The following MUSK variants were observed in gnomAD, a reference collection of about 807,000 sequenced individuals.
The protein encoded by MUSK is muscle, skeletal receptor tyrosine-protein kinase.
In MUSK, 55 loss-of-function variants were observed where a neutral mutation model predicts 88.7. That is an observed-to-expected ratio of 0.62 (90% CI 0.50 to 0.78). The LOEUF is 0.78. MUSK is among the 30% of genes least tolerant of loss of function. MUSK has a pLI of 0.00. For missense variants in MUSK, 1,015 were observed against 1,074.3 expected, an observed-to-expected ratio of 0.94 and a Z score of 0.77; for synonymous variants, 387 against 391.9, an observed-to-expected ratio of 0.99 and a Z score of 0.15.
Position 110,801,250 on chromosome 9 carries a change from A to ACGGCG in MUSK, c.*262_*263insCGGCG. On this transcript the variant is annotated 3_prime_UTR_variant, in exon 15 of 15. Coordinates refer to ENST00000374448, the MANE Select transcript of MUSK (RefSeq NM_005592.4). Reference sequence around the variant, plus strand: ...ACTATTCTTCTTCATGAAGGTTTGTAATACACACTGCACAGGGAAGAATGT... The same window carrying ACGGCG: ...ACTATTCTTCTTCATGAAGGTTTGTACGGCGATACACACTGCACAGGGAAGAATGT... The ACGGCG allele has an allele frequency of 2.9e-6, 1 of 346,748 alleles. No homozygotes were observed. Among genetic ancestry groups the ACGGCG allele is most frequent in the Non-Finnish European group, 5.2e-6 (1 of 191,514 alleles). The allele number at this position is 346,748 out of a possible 1,614,324, so 21.5% of individuals were successfully genotyped here.
In MUSK at chr9:110,695,427, T is replaced by A; in HGVS notation, c.383T>A (p.Ile128Lys). 1 of 1,528,114 alleles carries A rather than the reference T, an allele frequency of 6.5e-7. No homozygotes were observed. Among genetic ancestry groups the A allele is most frequent in the Non-Finnish European group, 8.9e-7 (1 of 1,125,376 alleles). The allele number at this position is 1,528,114 out of a possible 1,614,324, so 94.7% of individuals were successfully genotyped here. A position where few individuals can be genotyped will look rare whatever the true frequency, so the allele number is the denominator to read the frequency against. ...KMKPKITRPP[I>K]NVKIIEGLKA... is the part of the protein sequence containing the mutation. ...GAACCTAAAATAACTCGTCCTCCCA[T>A]AAATGTGAAAATAATAGAGGGATTA... The change falls in exon 4 of 15, where the codon ATA becomes AAA. Residue 128 changes from isoleucine to lysine, a missense_variant. Ile to Lys is a moderately radical substitution (Grantham distance 102). Transcript: ENST00000374448.
intron 7 of MUSK, among the ~76,000 whole-genome samples, chr9:110,761,566 G>A (rs1392604215): frequency 1.1e-5 from 1 of 89,660 alleles, no homozygotes; most frequent in South Asian, 3.4e-4. Context: ...TCCACATCTT[G>A]CTTTTTTTTT....
rs987200082 is a variant in MUSK at position 110,691,583 on chromosome 9, T to C, written c.359-3820T>C. ...ACTGCCTTACCAGCATCTTTAAATC[T>C]CATGGCCTCCTGTCCTGTAAGCATC... On this transcript the variant is annotated intron_variant, in intron 3 of 14. Coordinates refer to ENST00000374448, the MANE Select transcript of MUSK (RefSeq NM_005592.4). Among the ~76,000 whole-genome samples, 6 of 152,124 alleles carry C rather than the reference T, an allele frequency of 3.9e-5. No individual in the cohort carries two copies. The South Asian group carries it at 1.2e-3, about 32-fold the overall frequency.
In MUSK at chr9:110,798,010, A is replaced by G. The variant is rs879538512; in HGVS notation, c.1928-2296A>G. On this transcript the variant is annotated intron_variant, in intron 14 of 14. Transcript: ENST00000374448. Reference sequence around the variant, plus strand: ...AGTTTTCTCTCATTTTTATTGTCCAACAAGAACTGAAACTTATGTTGCCGT... The same window carrying G: ...AGTTTTCTCTCATTTTTATTGTCCAGCAAGAACTGAAACTTATGTTGCCGT... 3.3e-5 allele frequency among the ~76,000 whole-genome samples: 5 copies of G among 152,192 alleles called. No homozygotes were observed. The South Asian group carries it at 6.2e-4, about 19-fold the overall frequency.
intron 5 of MUSK, among the ~76,000 whole-genome samples, chr9:110,733,711 G>A (rs1433863915): frequency 2.6e-5 from 4 of 151,998 alleles, no homozygotes; most frequent in African/African-American, 9.7e-5. Context: ...GCTCTGGTCA[G>A]GAACTCTGCC....
intron 14 of MUSK, among the ~76,000 whole-genome samples, chr9:110,799,353 A>C (rs1417852436): frequency 6.6e-6 from 1 of 152,202 alleles, no homozygotes; most frequent in Admixed American, 6.5e-5. Context: ...CAAATATATC[A>C]AGACTTTAAG....
chr9:110,755,234 G>A (rs1337217461), intron 7 of MUSK, among the ~76,000 whole-genome samples: 2 of 152,138 alleles, frequency 1.3e-5, no homozygotes, highest in African/African-American at 4.8e-5. Flanking sequence ...CTGCTAAAAG[G>A]ATGTGGCCTT....
intron 14 of MUSK, among the ~76,000 whole-genome samples, chr9:110,788,884 T>A (rs1393429129): frequency 6.6e-6 from 1 of 151,988 alleles, no homozygotes; most frequent in African/African-American, 2.4e-5. Flanking sequence ...GAAAGAACAT[T>A]CCAAAAAGAA....
chr9:110,745,266 T>C (rs2077160246), intron 6 of MUSK, among the ~76,000 whole-genome samples: 1 of 152,170 alleles, frequency 6.6e-6, no homozygotes, highest in South Asian at 2.1e-4. Flanking sequence ...TTCAGTGACC[T>C]TGAGGAGGTG....
chr9:110,774,663 G>A (rs2077637523), intron 9 of MUSK, among the ~76,000 whole-genome samples: 1 of 152,062 alleles, frequency 6.6e-6, no homozygotes. Context: ...AGTCTTGAAA[G>A]CCCCATTATA....
At chr9:110,669,608 C>T (rs757132829) in intron 1 of MUSK, among the ~76,000 whole-genome samples, 12 of 152,122 alleles carry the variant, frequency 7.9e-5, no homozygotes, top group South Asian at 4.2e-4. Context: ...TGGAATGTAC[C>T]GGAAATAACA....
At chr9:110,680,271 T>A (rs1270479954) in intron 1 of MUSK, among the ~76,000 whole-genome samples, 2 of 152,198 alleles carry the variant, frequency 1.3e-5, no homozygotes, top group Non-Finnish European at 1.5e-5. Flanking sequence ...AAAATTGGCA[T>A]TCCTATTAAG....
At position 110,668,989 on chromosome 9, in the gene MUSK, T is replaced by C. The variant is rs2075923629; in HGVS notation, c.79+6T>C. 1 of 1,610,980 alleles carries C rather than the reference T, an allele frequency of 6.2e-7. No homozygotes were observed. Among genetic ancestry groups the C allele is most frequent in the Non-Finnish European group, 8.5e-7 (1 of 1,177,218 alleles). The stretch of plus-strand genomic sequence containing the variant: ...AACTGAGAAACTTCCAAAAGGTTGG[T>C]TTGAGCAATCGTGTCTTCTTGTTGT... On this transcript the variant is annotated splice_donor_region_variant and intron_variant, in intron 1 of 14. Coordinates refer to ENST00000374448, the MANE Select transcript of MUSK (RefSeq NM_005592.4).
At chr9:110,759,239 C>G (rs938350366) in intron 7 of MUSK, among the ~76,000 whole-genome samples, 3 of 152,098 alleles carry the variant, frequency 2.0e-5, no homozygotes, top group Non-Finnish European at 4.4e-5. Flanking sequence ...GGAAAGAATC[C>G]CTATTTAATA....
At chr9:110,690,295 TA>T (rs1289579085) in intron 3 of MUSK, among the ~76,000 whole-genome samples, 17 of 105,332 alleles carry the variant, frequency 1.6e-4, no homozygotes, top group African/African-American at 6.5e-4. Flanking sequence ...TATATATAAA[TA>T]TATATTTAAG....
intron 11 of MUSK, among the ~76,000 whole-genome samples, chr9:110,781,316 G>A (rs780378392): frequency 5.3e-5 from 8 of 151,804 alleles, no homozygotes; most frequent in African/African-American, 9.7e-5. Flanking sequence ...TCACTCTGTC[G>A]CCCAGGCTGG....
chr9:110,799,159 G>C (rs2078055442), intron 14 of MUSK, among the ~76,000 whole-genome samples: 1 of 151,932 alleles, frequency 6.6e-6, no homozygotes, highest in African/African-American at 2.4e-5. Flanking sequence ...TGAGGTCCTT[G>C]GAATTAAAAA....
At position 110,687,286 on chromosome 9, in the gene MUSK, T is replaced by C. The variant is rs1177576934; in HGVS notation, c.358+18T>C. ...GAAGATGAGTGAGTGGGAAACAGATTCGTCTATTGATTTGAAAGTTGACTT... is the reference window on the plus strand; with the variant it reads ...GAAGATGAGTGAGTGGGAAACAGATCCGTCTATTGATTTGAAAGTTGACTT... On this transcript the variant is annotated intron_variant, in intron 3 of 14. Coordinates refer to ENST00000374448, the MANE Select transcript of MUSK (RefSeq NM_005592.4). 6.2e-7 allele frequency: 1 copy of C among 1,612,616 alleles called. No individual in the cohort carries two copies. Among genetic ancestry groups the C allele is most frequent in the East Asian group, 2.2e-5 (1 of 44,882 alleles).
At chr9:110,732,889 G>A (rs921037124) in intron 5 of MUSK, among the ~76,000 whole-genome samples, 13 of 151,978 alleles carry the variant, frequency 8.6e-5, no homozygotes, top group Non-Finnish European at 1.6e-4. Flanking sequence ...GCCCCCAATA[G>A]TCAAACAAAT....
Sources: allele counts gnomAD v4.1 joint callset (sites outside exome capture counted in the v4.1 genomes callset), GRCh38; gene constraint gnomAD v4.1.1; transcripts MANE v1.5; gene names NCBI Gene and HGNC (gene_info 2026-07-23, HGNC 2026-07-21).